PDE8B: variants seen among roughly 807,000 people sequenced by gnomAD.
PDE8B encodes the protein phosphodiesterase 8B.
Under a neutral mutation model 101.3 loss-of-function variants are expected in PDE8B, and 26 were observed. The observed-to-expected ratio is 0.26, with a 90% CI of 0.19 to 0.36. PDE8B has a LOEUF of 0.36. PDE8B is among the 10% of genes least tolerant of loss of function. The pLI, the probability that PDE8B is intolerant of heterozygous loss-of-function variation, is 1.00. For synonymous variants in PDE8B, 424 were observed against 429.3 expected (o/e 0.99, Z 0.15); for missense variants, 810 against 1,163.1 (o/e 0.70, Z 4.42).
chr5:77,412,892 A>G (rs1460781130), intron 16 of PDE8B, among the ~76,000 whole-genome samples: 1 of 152,210 alleles, frequency 6.6e-6, no homozygotes, highest in African/African-American at 2.4e-5. Context: ...TCATCTAGAA[A>G]TAATTTGGAT....
chr5:77,330,260 T>G (rs1418043754), intron 4 of PDE8B, among the ~76,000 whole-genome samples: 1 of 152,220 alleles, frequency 6.6e-6, no homozygotes, highest in Non-Finnish European at 1.5e-5. Context: ...TTCCCAAGCC[T>G]GGCTATTACA....
At chr5:77,176,538 T>G in the PDE8B span, among the ~76,000 whole-genome samples, 1 of 152,204 alleles carries the variant, frequency 6.6e-6, no homozygotes, top group African/African-American at 2.4e-5. Flanking sequence ...CTTTGGCACA[T>G]CTCAGTTGGA....
chr5:77,393,359 C>A (rs1183844062), intron 10 of PDE8B, among the ~76,000 whole-genome samples: 3 of 150,970 alleles, frequency 2.0e-5, no homozygotes, highest in Non-Finnish European at 4.4e-5. Flanking sequence ...GCACCCACTG[C>A]TCTCCAGCCT....
the PDE8B span, among the ~76,000 whole-genome samples, chr5:77,107,272 G>A: frequency 6.6e-6 from 1 of 152,118 alleles, no homozygotes; most frequent in South Asian, 2.1e-4. Flanking sequence ...TGGTGTGTAT[G>A]TGCCACATTT....
intron 1 of PDE8B, among the ~76,000 whole-genome samples, chr5:77,271,069 A>C (rs1163717056): frequency 1.3e-5 from 2 of 152,240 alleles, no homozygotes; most frequent in African/African-American, 4.8e-5. Context: ...CTATAACTGC[A>C]TCGCAGTGGC....
At chr5:77,404,501 C>G (rs1793009233) in intron 11 of PDE8B, among the ~76,000 whole-genome samples, 1 of 152,194 alleles carries the variant, frequency 6.6e-6, no homozygotes, top group Admixed American at 6.5e-5. Context: ...TATGATATAA[C>G]ATGGCATTAT....
At chr5:77,318,292 T>C (rs1774283794) in intron 2 of PDE8B, among the ~76,000 whole-genome samples, 1 of 152,176 alleles carries the variant, frequency 6.6e-6, no homozygotes, top group Admixed American at 6.5e-5. Context: ...TCCTTACTGC[T>C]GCTACCAGGT....
chr5:77,409,730 T>C (rs1254477569), intron 14 of PDE8B, among the ~76,000 whole-genome samples: 1 of 152,174 alleles, frequency 6.6e-6, no homozygotes, highest in African/African-American at 2.4e-5. Context: ...AAAATTCAAA[T>C]TGTTTATTTG....
At chr5:77,144,625 C>G in the PDE8B span, 2 of 151,012 alleles carry the variant, frequency 1.3e-5, no homozygotes, top group Non-Finnish European at 2.9e-5. Flanking sequence ...TCTCACCAAG[C>G]AAATGAAACT....
intron 10 of PDE8B, among the ~76,000 whole-genome samples, chr5:77,398,818 C>T (rs1156506886): frequency 6.6e-6 from 1 of 152,204 alleles, no homozygotes; most frequent in East Asian, 1.9e-4. Context: ...GTGAGCCACA[C>T]CATTCCACAT....
chr5:77,335,453 G>A lies in PDE8B; in HGVS notation c.709-1774G>A, dbSNP rs565379698. ...CCAGCTTCCACGTAAGAATTGTGGA[G>A]GACCAGAGGCCCAGGGAAAGCCAGG... On this transcript the variant is annotated intron_variant, in intron 5 of 21. Coordinates refer to ENST00000264917, the MANE Select transcript of PDE8B (RefSeq NM_003719.5). 1.2e-4 allele frequency among the ~76,000 whole-genome samples: 18 copies of A among 152,228 alleles called. No individual in the cohort carries two copies. The South Asian group carries it at 3.7e-3, about 32-fold the overall frequency.
the PDE8B span, chr5:77,144,191 G>A: frequency 6.6e-6 from 1 of 152,332 alleles, no homozygotes; most frequent in Non-Finnish European, 1.5e-5. Context: ...CAGGCACTGG[G>A]TCCAGGTCTT....
chr5:77,165,985 A>AT, the PDE8B span, among the ~76,000 whole-genome samples: 861 of 133,572 alleles, frequency 6.4e-3, 8 homozygotes, highest in African/African-American at 0.021. Context: ...CAAAAAAAAA[A>AT]AAAAAAGAAA....
intron 10 of PDE8B, among the ~76,000 whole-genome samples, chr5:77,398,739 G>A (rs963841744): frequency 3.9e-5 from 6 of 152,188 alleles, no homozygotes; most frequent in African/African-American, 1.2e-4. Context: ...TCAGTTCACC[G>A]TCACTCTAAA....
intron 1 of PDE8B, among the ~76,000 whole-genome samples, chr5:77,222,659 G>A (rs1031425972): frequency 1.3e-5 from 2 of 152,180 alleles, no homozygotes; most frequent in African/African-American, 4.8e-5. Flanking sequence ...GTCTTCTGTG[G>A]GAAGGCAATG....
intron 5 of PDE8B, among the ~76,000 whole-genome samples, chr5:77,336,417 G>A (rs1233742701): frequency 1.3e-5 from 2 of 152,084 alleles, no homozygotes; most frequent in Non-Finnish European, 2.9e-5. Context: ...ACAACCACCA[G>A]TCTGCATTCT....
At chr5:77,342,484 T>C (rs2150373757) in intron 6 of PDE8B, among the ~76,000 whole-genome samples, 2 of 151,520 alleles carry the variant, frequency 1.3e-5, no homozygotes, top group South Asian at 4.2e-4. Flanking sequence ...AGAATGCCTT[T>C]ATGAGTGGAA....
In PDE8B at chr5:77,352,331, A is replaced by C. The variant is rs1781306574; in HGVS notation, c.1107-1015A>C. Among the ~76,000 whole-genome samples, 3 of 152,248 alleles carry C rather than the reference A, an allele frequency of 2.0e-5. No homozygotes were observed. The South Asian group carries it at 6.2e-4, about 31-fold the overall frequency. On this transcript the variant is annotated intron_variant, in intron 9 of 21. Coordinates refer to ENST00000264917, the MANE Select transcript of PDE8B (RefSeq NM_003719.5). The stretch of plus-strand genomic sequence containing the variant: ...CCATCTCCTCAGAAAATCAAAGCTA[A>C]GAATCCCTTTCTGTGTGTGTGACCA...
intron 1 of PDE8B, among the ~76,000 whole-genome samples, chr5:77,238,384 T>G (rs897150022): frequency 6.6e-6 from 1 of 152,240 alleles, no homozygotes; most frequent in African/African-American, 2.4e-5. Context: ...ATTTTGGTTA[T>G]TCTATCCTTT....
Sources: gnomAD v4.1 joint callset for allele counts (sites outside exome capture counted in the v4.1 genomes callset) on GRCh38, gnomAD v4.1.1 for gene constraint, MANE v1.5 for transcripts, NCBI Gene and HGNC (gene_info 2026-07-23, HGNC 2026-07-21) for gene names.